LINGO2: variants seen among roughly 807,000 people sequenced by gnomAD.
LINGO2 encodes leucine-rich repeat and immunoglobulin-like domain-containing nogo receptor-interacting protein 2.
In LINGO2, 14 loss-of-function variants were observed where a neutral mutation model predicts 30.6. The observed-to-expected ratio is 0.46, with a 90% confidence interval of 0.30 to 0.72. LINGO2 has a LOEUF of 0.72. Ranked by LOEUF, LINGO2 falls within the 30% of genes least tolerant of loss-of-function variation. The pLI, the probability that LINGO2 is intolerant of heterozygous loss-of-function variation, is 0.07. For synonymous variants in LINGO2, 317 were observed against 288.5 expected (o/e 1.10, Z -1.00); for missense variants, 729 against 751.7 (o/e 0.97, Z 0.35).
At chr9:28,032,813 G>C (rs900037176) in intron 4 of LINGO2, among the ~76,000 whole-genome samples, 2 of 152,152 alleles carry the variant, frequency 1.3e-5, no homozygotes, top group Non-Finnish European at 2.9e-5. Context: ...ACTTTGGTTT[G>C]GGTCTAGTAG....
chr9:28,239,821 A>T (rs1394736594), intron 4 of LINGO2, among the ~76,000 whole-genome samples: 1 of 152,152 alleles, frequency 6.6e-6, no homozygotes, highest in African/African-American at 2.4e-5. Flanking sequence ...GGGCATCCAA[A>T]TTGGAAAGGA....
chr9:28,707,555 A>AT, the LINGO2 span, among the ~76,000 whole-genome samples: 6 of 152,136 alleles, frequency 3.9e-5, no homozygotes, highest in Non-Finnish European at 8.8e-5. Flanking sequence ...TAGAATTGAA[A>AT]TTCAGCTACA....
the LINGO2 span, among the ~76,000 whole-genome samples, chr9:29,059,822 C>A: frequency 6.6e-6 from 1 of 151,952 alleles, no homozygotes; most frequent in East Asian, 1.9e-4. Flanking sequence ...GTAGGCAGGG[C>A]ACATAATGTT....
chr9:28,612,369 A>T (rs1289946751), intron 1 of LINGO2, among the ~76,000 whole-genome samples: 1 of 152,240 alleles, frequency 6.6e-6, no homozygotes, highest in Admixed American at 6.5e-5. Context: ...CATTTTCTTT[A>T]TCCATTCATC....
chr9:28,902,694 C>A, the LINGO2 span, among the ~76,000 whole-genome samples: 2 of 152,078 alleles, frequency 1.3e-5, no homozygotes, highest in African/African-American at 4.8e-5. Context: ...TCCCTTCTGA[C>A]CAAAACAGTA....
At chr9:29,038,691 A>C in the LINGO2 span, among the ~76,000 whole-genome samples, 9 of 148,898 alleles carry the variant, frequency 6.0e-5, no homozygotes, top group African/African-American at 2.2e-4. Flanking sequence ...AAAAAAAAAA[A>C]CATGAAAAAA....
At chr9:28,478,003 G>A (rs535062524) in intron 1 of LINGO2, among the ~76,000 whole-genome samples, 1 of 152,100 alleles carries the variant, frequency 6.6e-6, no homozygotes. Flanking sequence ...AAGGCTCTGA[G>A]ACTGGATACT....
intron 1 of LINGO2, among the ~76,000 whole-genome samples, chr9:28,532,787 C>T (rs1250648638): frequency 6.6e-6 from 1 of 151,988 alleles, no homozygotes; most frequent in Non-Finnish European, 1.5e-5. Context: ...TCAAAGTACT[C>T]CTTCTGACTA....
At chr9:28,832,035 C>A in the LINGO2 span, among the ~76,000 whole-genome samples, 1 of 152,080 alleles carries the variant, frequency 6.6e-6, no homozygotes, top group African/African-American at 2.4e-5. Context: ...TTGGCTTATT[C>A]CATGTATATG....
At chr9:28,843,236 T>C in the LINGO2 span, among the ~76,000 whole-genome samples, 1 of 151,900 alleles carries the variant, frequency 6.6e-6, no homozygotes, top group Admixed American at 6.6e-5. Flanking sequence ...TAAGAAATAG[T>C]CCTTATTTGA....
At chr9:28,583,364 C>G (rs1198276652) in intron 1 of LINGO2, among the ~76,000 whole-genome samples, 1 of 151,876 alleles carries the variant, frequency 6.6e-6, no homozygotes, top group East Asian at 1.9e-4. Flanking sequence ...TGAAAAAGTT[C>G]CATTTACTAT....
At chr9:27,992,175 A>G (rs1371065717) in intron 5 of LINGO2, among the ~76,000 whole-genome samples, 2 of 150,268 alleles carry the variant, frequency 1.3e-5, no homozygotes, top group Non-Finnish European at 1.5e-5. Context: ...ATACCCCTCC[A>G]GTCCTTTGCC....
chr9:28,225,167 A>G (rs1821104728), intron 4 of LINGO2, among the ~76,000 whole-genome samples: 1 of 152,182 alleles, frequency 6.6e-6, no homozygotes, highest in Admixed American at 6.5e-5. Flanking sequence ...GAAGGAGGTG[A>G]AAGAAGAGCA....
At chr9:28,260,948 A>G (rs2134045232) in intron 4 of LINGO2, among the ~76,000 whole-genome samples, 1 of 152,060 alleles carries the variant, frequency 6.6e-6, no homozygotes, top group South Asian at 2.1e-4. Flanking sequence ...TCTTTGTGTC[A>G]CCATCAGAAA....
intron 4 of LINGO2, among the ~76,000 whole-genome samples, chr9:28,031,828 A>G (rs560791650): frequency 1.2e-4 from 19 of 152,314 alleles, no homozygotes; most frequent in Non-Finnish European, 2.5e-4. Flanking sequence ...TTACAGAGAG[A>G]TATTAGTGAT....
the LINGO2 span, among the ~76,000 whole-genome samples, chr9:28,915,534 T>C: frequency 6.6e-6 from 1 of 152,188 alleles, no homozygotes; most frequent in Non-Finnish European, 1.5e-5. Context: ...TACATATGTG[T>C]GTTTTCAAGT....
In LINGO2 at chr9:28,174,921, T is replaced by TGTGTGTGTGTGAGA. The variant is rs962695032; in HGVS notation, c.-87+120286_-87+120287insTCTCACACACACAC. On this transcript the variant is annotated intron_variant, in intron 4 of 5. Transcript: ENST00000379992. ...CTCTGTGTGTGTGTGTGTGTGTGTG[T>TGTGTGTGTGTGAGA]GAGAGAGAGAGAGAGAGAGAGAGAG... 2.3e-3 allele frequency among the ~76,000 whole-genome samples: 306 copies of TGTGTGTGTGTGAGA among 133,396 alleles called. 1 individual carries two copies. The highest frequency in any genetic ancestry group is 7.2e-3 in the South Asian group (28 of 3,896). 87.5% of individuals were successfully genotyped at this position (133,396 alleles called of 152,430 possible).
At chr9:28,250,899 C>A (rs1822173628) in intron 4 of LINGO2, among the ~76,000 whole-genome samples, 1 of 139,428 alleles carries the variant, frequency 7.2e-6, no homozygotes, top group African/African-American at 2.7e-5. Context: ...GGATCTCCGT[C>A]AGTTGGGGAC....
chr9:28,447,291 A>G (rs1824459344), intron 2 of LINGO2, among the ~76,000 whole-genome samples: 1 of 152,196 alleles, frequency 6.6e-6, no homozygotes, highest in Admixed American at 6.5e-5. Flanking sequence ...GTGATTAATC[A>G]TGAGGGCTGT....
Sources: allele counts gnomAD v4.1 joint callset (sites outside exome capture counted in the v4.1 genomes callset), GRCh38; gene constraint gnomAD v4.1.1; transcripts MANE v1.5; gene names NCBI Gene and HGNC (gene_info 2026-07-23, HGNC 2026-07-21).